The following UNC13C variants were observed in gnomAD, a reference collection of about 807,000 sequenced individuals.
The protein encoded by UNC13C is protein unc-13 homolog C.
UNC13C carries 174 observed loss-of-function variants against 245.4 expected under a neutral mutation model. That is an observed-to-expected ratio of 0.71 (90% CI 0.63 to 0.80). UNC13C has a LOEUF of 0.80. UNC13C is among the 30% of genes least tolerant of loss of function. UNC13C has a pLI of 0.00. For missense variants in UNC13C, 2,829 were observed against 2,602.9 expected, an observed-to-expected ratio of 1.09 and a Z score of -1.89; for synonymous variants, 992 against 895.1, an observed-to-expected ratio of 1.11 and a Z score of -1.93.
Position 54,013,889 on chromosome 15 carries a change from A to G in UNC13C, c.986A>G (p.Glu329Gly), listed in dbSNP as rs762117288. 3 of 1,613,388 alleles carry G rather than the reference A, an allele frequency of 1.9e-6. No homozygotes were observed. The highest frequency in any genetic ancestry group is 2.2e-5 in the South Asian group (2 of 91,044). Residue 329 changes from glutamate (E) to glycine (G), a missense_variant, in exon 2 of 33, where the codon GAA (glutamate) becomes GGA (glycine). Transcript: ENST00000260323. ...CTGAGATTTTTAAATGTGACTGAAGAAAGATTTGAATATGTTGAAAGCGTG... is the reference window on the plus strand; with the variant it reads ...CTGAGATTTTTAAATGTGACTGAAGGAAGATTTGAATATGTTGAAAGCGTG... The part of the protein sequence containing the change: ...ASLRFLNVTE[E>G]RFEYVESVVY...
intron 2 of UNC13C, among the ~76,000 whole-genome samples, chr15:54,061,440 C>A (rs1396584649): frequency 6.6e-6 from 1 of 152,054 alleles, no homozygotes; most frequent in Non-Finnish European, 1.5e-5. Flanking sequence ...CTCCTTTTTT[C>A]CCTGGACCAG....
chr15:53,838,071 A>G, the UNC13C span, among the ~76,000 whole-genome samples: 4,142 of 152,234 alleles, frequency 0.027, 174 homozygotes, highest in African/African-American at 0.095. Context: ...TTTTTGCTAA[A>G]AAAGTTCTAT....
chr15:54,631,326 A>G (rs1032940692), downstream of UNC13C: 1 of 152,206 alleles, frequency 6.6e-6, no homozygotes, highest in Non-Finnish European at 1.5e-5. Flanking sequence ...AGCCTGGGCA[A>G]CAGAATGAGA....
chr15:54,175,508 A>ATT (rs55925649), intron 4 of UNC13C, among the ~76,000 whole-genome samples: 2,886 of 105,908 alleles, frequency 0.027, 93 homozygotes, highest in Admixed American at 0.068. Flanking sequence ...TGGCCCTAGA[A>ATT]TTTTTTTTTT....
intron 30 of UNC13C, among the ~76,000 whole-genome samples, chr15:54,580,177 G>T (rs1266253646): frequency 6.6e-6 from 1 of 152,212 alleles, no homozygotes. Flanking sequence ...GACCAATGGG[G>T]TCAGTGGCGT....
the UNC13C span, among the ~76,000 whole-genome samples, chr15:53,938,686 TC>T: frequency 3.3e-5 from 5 of 151,860 alleles, no homozygotes; most frequent in Admixed American, 6.6e-5. Context: ...AAAATAGAAC[TC>T]CAGATTAAGA....
At chr15:54,271,733 T>C (rs952140317) in intron 10 of UNC13C, among the ~76,000 whole-genome samples, 19 of 152,214 alleles carry the variant, frequency 1.2e-4, no homozygotes, top group Non-Finnish European at 2.1e-4. Context: ...ATATTAACCA[T>C]TGGAGTAAAG....
chr15:53,961,012 G>C, the UNC13C span, among the ~76,000 whole-genome samples: 1 of 152,220 alleles, frequency 6.6e-6, no homozygotes, highest in African/African-American at 2.4e-5. Context: ...GTGTGTATGT[G>C]TGTATTCCTG....
At chr15:54,629,426 CTAAAA>C (rs1157988690), downstream of UNC13C, 5 of 151,960 alleles carry the variant, frequency 3.3e-5, no homozygotes, top group Admixed American at 6.6e-5. Context: ...ACCCCTGAAT[CTAAAA>C]TAAAAGTTTT....
chr15:54,464,227 TAC>T (rs1212215924), intron 19 of UNC13C, among the ~76,000 whole-genome samples: 19 of 152,306 alleles, frequency 1.2e-4, no homozygotes, highest in Middle Eastern at 6.8e-3. Context: ...TAATAATTGA[TAC>T]AGTTGAATCC....
intron 1 of UNC13C, among the ~76,000 whole-genome samples, chr15:53,991,001 T>C (rs1302087766): frequency 6.6e-6 from 1 of 151,682 alleles, no homozygotes; most frequent in African/African-American, 2.4e-5. Context: ...ACACTGAGAG[T>C]GGTAATAAGT....
chr15:54,083,929 C>A (rs570404342), intron 2 of UNC13C, among the ~76,000 whole-genome samples: 9 of 152,164 alleles, frequency 5.9e-5, no homozygotes, highest in Admixed American at 5.2e-4. Flanking sequence ...GATGGGGGAA[C>A]CTCTGCGCGA....
At chr15:54,123,479 T>C (rs955443677) in intron 2 of UNC13C, among the ~76,000 whole-genome samples, 3 of 151,954 alleles carry the variant, frequency 2.0e-5, no homozygotes, top group Non-Finnish European at 4.4e-5. Context: ...CTTAAAGATA[T>C]CTTGCAAAGA....
intron 19 of UNC13C, among the ~76,000 whole-genome samples, chr15:54,425,497 TTAC>T (rs1307362989): frequency 6.6e-6 from 1 of 151,870 alleles, no homozygotes; most frequent in African/African-American, 2.4e-5. Flanking sequence ...ATGAGAGATC[TTAC>T]TAACAGACCC....
At chr15:54,461,041 AATATTGGTCTTCAATCAGT>A (rs760815655) in intron 19 of UNC13C, among the ~76,000 whole-genome samples, 316 of 152,032 alleles carry the variant, frequency 2.1e-3, no homozygotes, top group Non-Finnish European at 3.3e-3. Context: ...TTTCCCCTTA[AATATTGGTCTTCAATCAGT>A]ATGTTTGAAT....
the UNC13C span, among the ~76,000 whole-genome samples, chr15:53,953,308 C>A: frequency 1.3e-5 from 2 of 152,178 alleles, no homozygotes; most frequent in South Asian, 2.1e-4. Context: ...TAAGAGCTTG[C>A]CAGCTAAGCA....
chr15:54,030,440 G>A (rs1485780949), intron 2 of UNC13C, among the ~76,000 whole-genome samples: 1 of 152,046 alleles, frequency 6.6e-6, no homozygotes, highest in Non-Finnish European at 1.5e-5. Flanking sequence ...CAGTCCAGGT[G>A]TGAGAGAACT....
chr15:54,279,322 G>T (rs892303519), intron 10 of UNC13C, among the ~76,000 whole-genome samples: 1 of 152,168 alleles, frequency 6.6e-6, no homozygotes, highest in African/African-American at 2.4e-5. Context: ...AGACTTAAGT[G>T]GAAAAGTTAA....
the UNC13C span, among the ~76,000 whole-genome samples, chr15:53,848,084 T>G: frequency 8.2e-6 from 1 of 122,258 alleles, no homozygotes; most frequent in African/African-American, 2.8e-5. Flanking sequence ...ACATCGGTGA[T>G]TTATTTGTAT....
Sources: gnomAD v4.1 joint callset for allele counts (sites outside exome capture counted in the v4.1 genomes callset) on GRCh38, gnomAD v4.1.1 for gene constraint, MANE v1.5 for transcripts, NCBI Gene and HGNC (gene_info 2026-07-23, HGNC 2026-07-21) for gene names.